The following SUDS3 variants were observed in gnomAD, a reference collection of about 807,000 sequenced individuals.
The protein encoded by SUDS3 is SIN3A corepressor complex component SDS3, also known as sin3 histone deacetylase corepressor complex component SDS3.
Under a neutral mutation model 53.5 loss-of-function variants are expected in SUDS3, and 23 were observed. That is an observed-to-expected ratio of 0.43 (90% CI 0.31 to 0.61). SUDS3 has a LOEUF of 0.61. SUDS3 is among the 20% of genes least tolerant of loss of function. The pLI is 0.10. For synonymous variants in SUDS3, 150 were observed against 148.5 expected (o/e 1.01, Z -0.08); for missense variants, 291 against 405.9 (o/e 0.72, Z 2.43).
Position 118,383,486 on chromosome 12 carries a change from C to T in SUDS3, c.213-526C>T, listed in dbSNP as rs117359969. 3.2e-4 allele frequency among the ~76,000 whole-genome samples: 49 copies of T among 152,302 alleles called. No homozygotes were observed. In the East Asian group the frequency reaches 6.2e-3, roughly 19 times the overall value. ...CAGTAAATGCTGCCTTTTAACTTTT[C>T]TTTCTGAATTACTATTATTTCTCTG... is the stretch of plus-strand genomic sequence containing the variant. On this transcript the variant is annotated intron_variant, in intron 2 of 11. Transcript: ENST00000543473.
intron 1 of SUDS3, among the ~76,000 whole-genome samples, chr12:118,379,044 T>G (rs556657520): frequency 9.9e-5 from 15 of 151,128 alleles, no homozygotes. Context: ...ACTCCTGTCC[T>G]CAGGTGATTC....
Position 118,376,742 on chromosome 12 carries a change from G to A in SUDS3, c.51G>A (p.Pro17=), listed in dbSNP as rs1316867389. ...CGGCCCCGGCCCAGGCTGGAGCGCC[G>A]CCGGCCCCCGAGTACTACCCCGAGG... ...LAPAPAQAGA[P]PAPEYYPEED... Residue 17 remains proline, a synonymous_variant, in exon 1 of 12, where the codon CCG becomes CCA. Coordinates refer to ENST00000543473, the MANE Select transcript of SUDS3 (RefSeq NM_022491.3). 1 of 1,537,066 alleles carries A rather than the reference G, an allele frequency of 6.5e-7. No homozygotes were observed. Among genetic ancestry groups the A allele is most frequent in the Non-Finnish European group, 8.7e-7 (1 of 1,147,018 alleles).
intron 11 of SUDS3, among the ~76,000 whole-genome samples, chr12:118,413,072 A>G (rs1309032689): frequency 1.3e-5 from 2 of 152,214 alleles, no homozygotes; most frequent in Admixed American, 1.3e-4. Flanking sequence ...TTTTTCATTT[A>G]AAATGATTCT....
intron 6 of SUDS3, among the ~76,000 whole-genome samples, chr12:118,396,858 C>A (rs1422038157): frequency 1.3e-5 from 2 of 152,088 alleles, no homozygotes; most frequent in African/African-American, 4.8e-5. Flanking sequence ...AACCTGAGCT[C>A]CCATTTTTTA....
intron 1 of SUDS3, 40 bp downstream of exon 1, chr12:118,376,873 G>A (rs1341521918): frequency 8.1e-6 from 12 of 1,487,516 alleles, no homozygotes; most frequent in African/African-American, 1.4e-5. Flanking sequence ...GAGCGGAGGT[G>A]GGACCGCTGG....
At chr12:118,403,287 A>C (rs76663767) in intron 9 of SUDS3, 125 bp from the exon 10 acceptor site, 2 of 760,256 alleles carry the variant, frequency 2.6e-6, no homozygotes, top group East Asian at 5.4e-5. Context: ...CCCATGCATT[A>C]TCACTGTAAG....
intron 2 of SUDS3, among the ~76,000 whole-genome samples, chr12:118,381,748 T>G (rs1205658736): frequency 6.7e-6 from 1 of 149,328 alleles, no homozygotes; most frequent in Non-Finnish European, 1.5e-5. Context: ...CCAAACCTTC[T>G]CATTGTCTTC....
At chr12:118,410,636 G>A (rs180964764) in intron 10 of SUDS3, among the ~76,000 whole-genome samples, 3,370 of 149,998 alleles carry the variant, frequency 0.022, 121 homozygotes, top group African/African-American at 0.077. Flanking sequence ...TTGCTCTGTC[G>A]CCCAGGCTGG....
chr12:118,383,875 A>G lies in SUDS3; in HGVS notation c.213-137A>G, dbSNP rs924723607. On this transcript the variant is annotated intron_variant, in intron 2 of 11. Coordinates refer to ENST00000543473, the MANE Select transcript of SUDS3 (RefSeq NM_022491.3). ...GCTGGTGCATTTTAAGCCAGCAAGC[A>G]GACTTTACTTTCCTCTCTTCCCTGA... 4.3e-5 allele frequency: 30 copies of G among 698,820 alleles called. 1 individual carries two copies. In the East Asian group the frequency reaches 4.7e-4, roughly 11 times the overall value. 43.3% of individuals were successfully genotyped at this position (698,820 alleles called of 1,614,324 possible).
Position 118,410,799 on chromosome 12 carries a change from G to A in SUDS3, c.804-274G>A, listed in dbSNP as rs528294490. ...TTTTTAGTAGAGACGGGGTTTTACC[G>A]TGTTAGCCAGGATGGTCTTGATCTC... is the stretch of plus-strand genomic sequence containing the variant. On this transcript the variant is annotated intron_variant, in intron 10 of 11. Transcript: ENST00000543473. Among the ~76,000 whole-genome samples the A allele has an allele frequency of 7.9e-5, 12 of 151,786 alleles. No individual in the cohort carries two copies. In the South Asian group the frequency reaches 1.9e-3, roughly 24 times the overall value.
chr12:118,417,324 T>A lies in SUDS3; in HGVS notation c.*2891T>A, dbSNP rs1477199984. On this transcript the variant is annotated 3_prime_UTR_variant, in exon 12 of 12. Coordinates refer to ENST00000543473, the MANE Select transcript of SUDS3 (RefSeq NM_022491.3). ...GACCCTGTGTTCAGGACTGGGTGAC[T>A]TTTCTAAGAAATATGGGGTTTAGAA... 3 of 152,214 alleles carry A rather than the reference T, an allele frequency of 2.0e-5. No individual in the cohort carries two copies. Among genetic ancestry groups the A allele is most frequent in the African/African-American group, 7.2e-5 (3 of 41,460 alleles). 9.4% of individuals were successfully genotyped at this position (152,214 alleles called of 1,614,324 possible).
intron 10 of SUDS3, among the ~76,000 whole-genome samples, chr12:118,408,330 G>A (rs1288588286): frequency 3.4e-5 from 5 of 145,862 alleles, no homozygotes; most frequent in African/African-American, 1.3e-4. Context: ...CACCATACCT[G>A]GCCAGTTTTT....
chr12:118,379,470 A>C (rs2046033801), intron 1 of SUDS3, among the ~76,000 whole-genome samples: 1 of 152,144 alleles, frequency 6.6e-6, no homozygotes, highest in African/African-American at 2.4e-5. Context: ...AGATGTGCGT[A>C]GGTTATATGC....
chr12:118,407,926 G>C (rs943848865), intron 10 of SUDS3, among the ~76,000 whole-genome samples: 1 of 151,752 alleles, frequency 6.6e-6, no homozygotes, highest in Non-Finnish European at 1.5e-5. Context: ...TTTTGAGACA[G>C]AGTCTCGCAC....
chr12:118,402,827 C>T (rs371562084), intron 9 of SUDS3, among the ~76,000 whole-genome samples: 1 of 150,872 alleles, frequency 6.6e-6, no homozygotes, highest in African/African-American at 2.4e-5. Context: ...GTGGCGTGAA[C>T]TCGGCTCAGT....
intron 6 of SUDS3, among the ~76,000 whole-genome samples, chr12:118,394,814 T>C (rs2046199176): frequency 6.6e-6 from 1 of 152,098 alleles, no homozygotes; most frequent in Non-Finnish European, 1.5e-5. Context: ...GCCTCCTGAG[T>C]AGCTGGGACT....
chr12:118,402,111 C>T, intron 9 of SUDS3, 107 bp downstream of exon 9: 1 of 1,284,236 alleles, frequency 7.8e-7, no homozygotes, highest in African/African-American at 1.5e-5. Context: ...ATGAAATGTT[C>T]ATCATTTGCC....
Position 118,391,291 on chromosome 12 carries a change from G to C in SUDS3, c.517+9G>C. 1 of 1,602,672 alleles carries C rather than the reference G, an allele frequency of 6.2e-7. No individual in the cohort carries two copies. The highest frequency in any genetic ancestry group is 8.5e-7 in the Non-Finnish European group (1 of 1,176,164). The stretch of plus-strand genomic sequence containing the variant: ...AATGGAACTGACTGGAGGTAGGAAA[G>C]CCCTATGGGGTGGGATCTTGGGGGC... On this transcript the variant is annotated intron_variant, in intron 6 of 11. Coordinates refer to ENST00000543473, the MANE Select transcript of SUDS3 (RefSeq NM_022491.3).
At chr12:118,387,279 TC>T (rs1217476648) in intron 4 of SUDS3, among the ~76,000 whole-genome samples, 1 of 152,228 alleles carries the variant, frequency 6.6e-6, no homozygotes, top group Non-Finnish European at 1.5e-5. Context: ...CGGTTGCTCT[TC>T]CTAGACTTCC....
Sources: gnomAD v4.1 joint callset for allele counts (sites outside exome capture counted in the v4.1 genomes callset) on GRCh38, gnomAD v4.1.1 for gene constraint, MANE v1.5 for transcripts, NCBI Gene and HGNC (gene_info 2026-07-23, HGNC 2026-07-21) for gene names.